The following DNAI4 variants were observed in gnomAD, a reference collection of about 807,000 sequenced individuals.
The protein encoded by DNAI4 is dynein axonemal intermediate chain 4.
A neutral mutation model predicts 105.8 loss-of-function variants in DNAI4; 85 were observed. The ratio of observed to expected loss-of-function variants is 0.80; its 90% confidence interval spans 0.67 to 0.96. The LOEUF (loss-of-function observed/expected upper bound fraction) is 0.96, where lower values mean the gene tolerates loss of function less well. Among genes scored for constraint, DNAI4 ranks in the 40% least tolerant of loss-of-function variants. The pLI is 0.00. For missense variants in DNAI4, 1,014 were observed against 1,005.6 expected (o/e 1.01, Z -0.11); for synonymous variants, 352 against 331.5 (o/e 1.06, Z -0.67).
At chr1:66,906,657 A>G (rs569270859) in intron 1 of DNAI4, among the ~76,000 whole-genome samples, 2 of 152,292 alleles carry the variant, frequency 1.3e-5, no homozygotes, top group Non-Finnish European at 2.9e-5. Context: ...TGGACACTTA[A>G]TAAATATTTT....
intron 15 of DNAI4, among the ~76,000 whole-genome samples, chr1:66,825,433 G>A (rs1001142957): frequency 2.0e-5 from 3 of 151,016 alleles, no homozygotes; most frequent in Admixed American, 1.3e-4. Context: ...CACCCGCCTC[G>A]GCCTCCCAAA....
intron 1 of DNAI4, among the ~76,000 whole-genome samples, chr1:66,913,081 A>C (rs1649781588): frequency 6.6e-6 from 1 of 152,152 alleles, no homozygotes; most frequent in African/African-American, 2.4e-5. Context: ...TGCTTCCAAC[A>C]GGGAAAATGA....
intron 2 of DNAI4, among the ~76,000 whole-genome samples, chr1:66,902,382 A>G (rs1648898633): frequency 6.6e-6 from 1 of 152,124 alleles, no homozygotes; most frequent in African/African-American, 2.4e-5. Context: ...ATATCTAATC[A>G]AGTTATTTGC....
At chr1:66,848,489 G>T (rs576660005) in intron 7 of DNAI4, among the ~76,000 whole-genome samples, 2 of 152,184 alleles carry the variant, frequency 1.3e-5, no homozygotes, top group South Asian at 4.1e-4. Flanking sequence ...CAAATTTCTG[G>T]GACTATTGTT....
chr1:66,824,419 T>G (rs1030199561), intron 15 of DNAI4, among the ~76,000 whole-genome samples: 5 of 152,176 alleles, frequency 3.3e-5, no homozygotes, highest in African/African-American at 1.2e-4. Context: ...ATACGAACTT[T>G]AAAGTAGTTT....
At chr1:66,893,512 T>A (rs3008881) in intron 2 of DNAI4, 99 bp from the exon 3 acceptor site, 236,925 of 806,384 alleles carry the variant, frequency 0.29, 37,376 homozygotes, top group African/African-American at 0.53. Context: ...GAAAAAAGAT[T>A]AGTATAATGC....
chr1:66,905,254 G>T lies in DNAI4; in HGVS notation c.292C>A (p.Pro98Thr). ...TTTTCTACAGTTTTCAGTTCAGGTG[G>T]AATAAGCACGGTTTTGGACACAGCC... ...RMAVSKTVLIPPELKTVEKPN... is the reference protein window; with the variant it reads ...RMAVSKTVLITPELKTVEKPN... Residue 98 changes from proline to threonine, a missense_variant, in exon 2 of 17, where the codon CCA becomes ACA. By Grantham distance (38) the Pro-to-Thr change is conservative. Coordinates refer to ENST00000371026, the MANE Select transcript of DNAI4 (RefSeq NM_024763.5). 6.3e-7 allele frequency: 1 copy of T among 1,576,186 alleles called. No homozygotes were observed. The highest frequency in any genetic ancestry group is 1.2e-5 in the South Asian group (1 of 85,284).
chr1:66,819,876 G>A (rs570977395), intron 16 of DNAI4, among the ~76,000 whole-genome samples: 1 of 152,046 alleles, frequency 6.6e-6, no homozygotes. Flanking sequence ...GCTCATGTGA[G>A]ATGGACTAAG....
chr1:66,847,916 C>T lies in DNAI4; in HGVS notation c.1097-238G>A, dbSNP rs915930226. The stretch of plus-strand genomic sequence containing the variant: ...TTTTCAGAAGATAGGCAATGATAAC[C>T]TCCAGAGGTAATTTTTGTCTTTATT... On this transcript the variant is annotated intron_variant, in intron 7 of 16. Coordinates refer to ENST00000371026, the MANE Select transcript of DNAI4 (RefSeq NM_024763.5). The T allele has an allele frequency of 3.2e-5, 15 of 466,724 alleles. No individual in the cohort carries two copies. In the East Asian group the frequency reaches 6.6e-4, roughly 20 times the overall value. The allele number at this position is 466,724 out of a possible 1,614,324, so 28.9% of individuals were successfully genotyped here. A position where few individuals can be genotyped will look rare whatever the true frequency, so the allele number is the denominator to read the frequency against.
At chr1:66,887,590 A>G (rs1006689511) in intron 4 of DNAI4, among the ~76,000 whole-genome samples, 1 of 152,144 alleles carries the variant, frequency 6.6e-6, no homozygotes, top group Non-Finnish European at 1.5e-5. Flanking sequence ...CTCAAAATTA[A>G]ATTATATAAA....
At chr1:66,862,013 T>C (rs1646636300) in intron 7 of DNAI4, 134 bp downstream of exon 7, 3 of 810,696 alleles carry the variant, frequency 3.7e-6, no homozygotes, top group Non-Finnish European at 5.6e-6. Flanking sequence ...GATAGAGTAA[T>C]AGTGCTATTT....
At chr1:66,828,500 C>T (rs1645801418) in intron 13 of DNAI4, 2 of 152,098 alleles carry the variant, frequency 1.3e-5, no homozygotes, top group Admixed American at 1.3e-4. Flanking sequence ...ATTATATCAC[C>T]TGTTTTTAAT....
intron 4 of DNAI4, 70 bp downstream of exon 4, chr1:66,891,084 T>A (rs1434434209): frequency 8.5e-7 from 1 of 1,182,278 alleles, no homozygotes; most frequent in Non-Finnish European, 1.3e-6. Flanking sequence ...ATCTCAAGTA[T>A]CCAACCAATA....
At chr1:66,884,091 T>C (rs1647139208) in intron 4 of DNAI4, among the ~76,000 whole-genome samples, 1 of 152,200 alleles carries the variant, frequency 6.6e-6, no homozygotes, top group Non-Finnish European at 1.5e-5. Flanking sequence ...TGTCTTTCTG[T>C]GTCTGGTTTA....
At chr1:66,841,398 A>G (rs1181961840) in intron 8 of DNAI4, among the ~76,000 whole-genome samples, 3 of 152,240 alleles carry the variant, frequency 2.0e-5, no homozygotes, top group African/African-American at 7.2e-5. Context: ...GCTATGCACC[A>G]GGTACAAGAG....
chr1:66,887,576 A>T (rs1441964366), intron 4 of DNAI4, among the ~76,000 whole-genome samples: 2 of 152,166 alleles, frequency 1.3e-5, no homozygotes, highest in South Asian at 4.1e-4. Flanking sequence ...AAACATAGAC[A>T]TTACTCAAAA....
Position 66,827,012 on chromosome 1 carries a change from C to A in DNAI4, c.2147G>T (p.Cys716Phe). ...AGAACAGCTTAAAAATACATCATGA[C>A]AAAATGGATTCCATGTCACTTTATA... ...PVYKVTWNPF[C>F]HDVFLSCSAD... Residue 716 changes from cysteine (C) to phenylalanine (F), a missense_variant, in exon 15 of 17, where the codon TGT becomes TTT. Cys to Phe is a radical substitution (Grantham distance 205). Transcript: ENST00000371026. The A allele has an allele frequency of 6.2e-7, 1 of 1,613,724 alleles. No individual in the cohort carries two copies. The highest frequency in any genetic ancestry group is 8.5e-7 in the Non-Finnish European group (1 of 1,179,948).
At chr1:66,906,735 A>ATTCT (rs1408872217) in intron 1 of DNAI4, among the ~76,000 whole-genome samples, 1 of 152,094 alleles carries the variant, frequency 6.6e-6, no homozygotes, top group Non-Finnish European at 1.5e-5. Context: ...ATCCTACCCT[A>ATTCT]TTCTCCTTCT....
chr1:66,844,969 G>A (rs111350179), intron 8 of DNAI4, among the ~76,000 whole-genome samples: 18 of 152,038 alleles, frequency 1.2e-4, no homozygotes, highest in African/African-American at 3.6e-4. Flanking sequence ...TGAGGAGGGC[G>A]GATCACCTGA....
Sources: allele counts gnomAD v4.1 joint callset (sites outside exome capture counted in the v4.1 genomes callset), GRCh38; gene constraint gnomAD v4.1.1; transcripts MANE v1.5; gene names NCBI Gene and HGNC (gene_info 2026-07-23, HGNC 2026-07-21).